Variants in FOXP4 observed in about 807,000 individuals in gnomAD.
FOXP4 encodes the protein forkhead box P4.
In FOXP4, 25 loss-of-function variants were observed where a neutral mutation model predicts 82.6. The observed-to-expected ratio is 0.30, with a 90% CI of 0.22 to 0.42. FOXP4 has a LOEUF of 0.42. FOXP4 is among the 10% of genes least tolerant of loss of function. FOXP4 has a pLI of 1.00. For synonymous variants in FOXP4, 415 were observed against 388.2 expected (o/e 1.07, Z -0.81); for missense variants, 785 against 900.9 (o/e 0.87, Z 1.65).
intron 3 of FOXP4, among the ~76,000 whole-genome samples, chr6:41,580,766 G>C (rs1765753263): frequency 6.6e-6 from 1 of 152,150 alleles, no homozygotes. Context: ...AGTGCATCTT[G>C]AGCCTGAGTG....
chr6:41,556,571 G>A (rs368612980), intron 1 of FOXP4, among the ~76,000 whole-genome samples: 20 of 152,112 alleles, frequency 1.3e-4, no homozygotes, highest in African/African-American at 4.6e-4. Flanking sequence ...TGATCTGCCC[G>A]CCTTGGCCTC....
intron 2 of FOXP4, among the ~76,000 whole-genome samples, chr6:41,569,936 TGG>T (rs1212197272): frequency 6.6e-6 from 1 of 151,870 alleles, no homozygotes; most frequent in Middle Eastern, 3.2e-3. Context: ...GTCAGGCAGT[TGG>T]GGGAGGGGAG....
intron 1 of FOXP4, among the ~76,000 whole-genome samples, chr6:41,551,241 T>A (rs867324949): frequency 2.0e-5 from 3 of 152,172 alleles, no homozygotes; most frequent in Non-Finnish European, 4.4e-5. Context: ...AAGGTACACA[T>A]CTGGACAGGG....
chr6:41,588,308 A>G (rs138704405), intron 8 of FOXP4, among the ~76,000 whole-genome samples: 3,561 of 152,306 alleles, frequency 0.023, 63 homozygotes, highest in Non-Finnish European at 0.036. Context: ...CAGCCGTGCC[A>G]GGCTCTGTCA....
At chr6:41,549,451 C>T (rs538485410) in intron 1 of FOXP4, among the ~76,000 whole-genome samples, 10 of 152,248 alleles carry the variant, frequency 6.6e-5, no homozygotes, top group Non-Finnish European at 1.3e-4. Flanking sequence ...GAGCCGAAAA[C>T]TTCCGTTCTG....
chr6:41,588,614 A>G lies in FOXP4; in HGVS notation c.978-30A>G, dbSNP rs756974700. 2.5e-6 allele frequency: 4 copies of G among 1,612,584 alleles called. No individual in the cohort carries two copies. The South Asian group carries it at 4.4e-5, about 18-fold the overall frequency. On this transcript the variant is annotated intron_variant, in intron 8 of 16. Transcript: ENST00000307972. ...GGTGGCAGCAGGGAAACCGGAGCCAACTTTCTCTCCTCCTCTCTTCCCCTT... is the reference window on the plus strand; with the variant it reads ...GGTGGCAGCAGGGAAACCGGAGCCAGCTTTCTCTCCTCCTCTCTTCCCCTT...
At chr6:41,566,365 AG>A (rs1007195056) in intron 2 of FOXP4, among the ~76,000 whole-genome samples, 1 of 152,222 alleles carries the variant, frequency 6.6e-6, no homozygotes, top group Non-Finnish European at 1.5e-5. Flanking sequence ...CTGTGCACAC[AG>A]GGGGATCTTC....
intron 3 of FOXP4, among the ~76,000 whole-genome samples, chr6:41,581,733 G>A (rs954352328): frequency 2.6e-5 from 4 of 152,230 alleles, no homozygotes; most frequent in African/African-American, 7.2e-5. Flanking sequence ...CGAGACGAGT[G>A]CACACCATGT....
In FOXP4 at chr6:41,597,854, T is replaced by C. The variant is rs994262167; in HGVS notation, c.1799T>C (p.Leu600Pro). The C allele has an allele frequency of 1.7e-5, 27 of 1,602,120 alleles. No homozygotes were observed. The Admixed American group carries it at 1.8e-4, about 11-fold the overall frequency. The part of the protein sequence containing the change: ...GMLNPGSASS[L>P]LPLSHDDVGA... The stretch of plus-strand genomic sequence containing the variant: ...CTGAACCCTGGCTCCGCCAGCAGCC[T>C]GCTGCCCCTCAGCCACGATGACGTG... Residue 600 changes from leucine to proline, a missense_variant, in exon 16 of 17, where the codon CTG (leucine) becomes CCG (proline). Around this residue, in one of 3 missense-constraint regions of FOXP4, gnomAD observed 184 missense variants for 187.3 expected, o/e 0.98. Coordinates refer to ENST00000307972, the MANE Select transcript of FOXP4 (RefSeq NM_001012426.2).
intron 2 of FOXP4, among the ~76,000 whole-genome samples, chr6:41,566,299 C>CTCT (rs1764877012): frequency 1.3e-5 from 2 of 152,350 alleles, no homozygotes; most frequent in South Asian, 4.1e-4. Flanking sequence ...GGGCACTCCA[C>CTCT]TCTTCACCTG....
chr6:41,556,514 T>G (rs367741854), intron 1 of FOXP4, among the ~76,000 whole-genome samples: 3 of 151,864 alleles, frequency 2.0e-5, no homozygotes, highest in Non-Finnish European at 4.4e-5. Flanking sequence ...TTAGTAGAGA[T>G]AGGGTTTCAC....
intron 13 of FOXP4, among the ~76,000 whole-genome samples, chr6:41,592,308 G>A (rs1473932399): frequency 6.6e-6 from 1 of 152,184 alleles, no homozygotes; most frequent in Non-Finnish European, 1.5e-5. Context: ...CCTTTGCCCT[G>A]GGATTATGCT....
chr6:41,585,474 A>C lies in FOXP4; in HGVS notation c.467A>C (p.Gln156Pro), dbSNP rs1581766518. ...AAGCAGCAGGAGCAGCTCCACCTGC[A>C]GCTCCTCACCCAGCAGCAGGCTGGG... ...YKKQQEQLHL[Q>P]LLTQQQAGKP... is the part of the protein sequence containing the mutation. Residue 156 changes from glutamine to proline, a missense_variant, in exon 5 of 17, where the codon CAG (glutamine) becomes CCG (proline). Around this residue, in one of 3 missense-constraint regions of FOXP4, gnomAD observed 570 missense variants for 634.0 expected, o/e 0.90. Transcript: ENST00000307972. The C allele has an allele frequency of 6.8e-6, 11 of 1,613,914 alleles. No individual in the cohort carries two copies. In the East Asian group the frequency reaches 2.5e-4, roughly 36 times the overall value.
Position 41,554,066 on chromosome 6 carries a change from G to A in FOXP4, c.-17+7199G>A, listed in dbSNP as rs751277852. 4.7e-4 allele frequency among the ~76,000 whole-genome samples: 71 copies of A among 152,290 alleles called. 1 individual carries two copies. Among genetic ancestry groups the A allele is most frequent in the Middle Eastern group, 3.4e-3 (1 of 294 alleles). ...GGCCCTGACTGAGGAACTGTGCTTT[G>A]CCGTTTCACATACCTCCTTGTTCTT... On this transcript the variant is annotated intron_variant, in intron 1 of 16. Transcript: ENST00000307972.
At chr6:41,548,199 G>T (rs1211415296) in intron 1 of FOXP4, among the ~76,000 whole-genome samples, 2 of 152,138 alleles carry the variant, frequency 1.3e-5, no homozygotes, top group Non-Finnish European at 2.9e-5. Context: ...GGCGTTTCGG[G>T]CGTCTGGAGA....
chr6:41,561,397 G>A (rs1414363991), intron 1 of FOXP4, among the ~76,000 whole-genome samples: 1 of 152,126 alleles, frequency 6.6e-6, no homozygotes, highest in Non-Finnish European at 1.5e-5. Context: ...CAGTATTAGC[G>A]AACCTTAGAC....
At chr6:41,584,932 C>T (rs368554446) in intron 4 of FOXP4, 41 bp downstream of exon 4, 40 of 1,564,720 alleles carry the variant, frequency 2.6e-5, no homozygotes, top group Non-Finnish European at 3.2e-5. Flanking sequence ...CCTCCTCTGC[C>T]TGGCCTGGCT....
At chr6:41,565,995 G>A in intron 2 of FOXP4, 31 bp downstream of exon 2, 1 of 1,593,156 alleles carries the variant, frequency 6.3e-7, no homozygotes, top group Non-Finnish European at 8.6e-7. Flanking sequence ...GGGTATCTGG[G>A]AGCGGGAGAG....
intron 2 of FOXP4, among the ~76,000 whole-genome samples, chr6:41,571,379 G>T (rs1261142002): frequency 6.6e-6 from 1 of 152,246 alleles, no homozygotes. Flanking sequence ...GAGAATGAAG[G>T]AGCCTTTTGA....
Sources: allele counts gnomAD v4.1 joint callset (sites outside exome capture counted in the v4.1 genomes callset), GRCh38; gene constraint gnomAD v4.1.1; regional missense constraint gnomAD v4.1.1; transcripts MANE v1.5; gene names NCBI Gene and HGNC (gene_info 2026-07-23, HGNC 2026-07-21).